The following IL34 variants were observed in gnomAD, a reference collection of about 807,000 sequenced individuals.
IL34 encodes interleukin-34.
A neutral mutation model predicts 25.3 loss-of-function variants in IL34; 17 were observed. The observed-to-expected ratio is 0.67, with a 90% confidence interval of 0.46 to 1.01. The LOEUF (loss-of-function observed/expected upper bound fraction) is 1.01. Ranked by LOEUF, IL34 falls within the 50% of genes least tolerant of loss-of-function variation. The probability of loss-of-function intolerance (pLI) is 0.00; values close to 1 mark genes in which losing one functional copy is unlikely to be tolerated. For missense variants in IL34, 368 were observed against 312.9 expected (o/e 1.18, Z -1.33); for synonymous variants, 174 against 140.9 (o/e 1.23, Z -1.66).
At position 70,621,197 on chromosome 16, in the gene IL34, G is replaced by A. The variant is rs145183103; in HGVS notation, c.-400-25351G>A. ...CGCTAAGGTTGAAGGACCAAGGCAG[G>A]CGTCCCTGCATGGTCTGACACCCTT... is the stretch of plus-strand genomic sequence containing the variant. On this transcript the variant is annotated intron_variant, in intron 1 of 6. Transcript: ENST00000429149. Among the ~76,000 whole-genome samples, 638 of 152,236 alleles carry A rather than the reference G, an allele frequency of 4.2e-3. 5 individuals are homozygous for A. The highest frequency in any genetic ancestry group is 0.024 in the Middle Eastern group (7 of 294).
At chr16:70,604,630 G>A (rs946752127) in intron 1 of IL34, among the ~76,000 whole-genome samples, 8 of 152,188 alleles carry the variant, frequency 5.3e-5, no homozygotes, top group Non-Finnish European at 1.2e-4. Flanking sequence ...GTCAAAAGAG[G>A]GACTGGTTCA....
intron 1 of IL34, among the ~76,000 whole-genome samples, chr16:70,638,598 A>G (rs1229688697): frequency 1.3e-5 from 2 of 151,488 alleles, no homozygotes; most frequent in Non-Finnish European, 2.9e-5. Context: ...GATATTTTAT[A>G]CTTATTTATT....
chr16:70,613,688 G>A (rs765919976), intron 1 of IL34, among the ~76,000 whole-genome samples: 42 of 151,962 alleles, frequency 2.8e-4, no homozygotes, highest in East Asian at 7.8e-4. Flanking sequence ...AGCCTGGCCA[G>A]CACAGTGAAA....
intron 1 of IL34, among the ~76,000 whole-genome samples, chr16:70,630,334 C>A (rs1320493832): frequency 1.3e-5 from 2 of 152,118 alleles, no homozygotes; most frequent in African/African-American, 4.8e-5. Flanking sequence ...GCCTCCCCAG[C>A]GATTCTCCTG....
In IL34 at chr16:70,656,508, GACTA is replaced by G. The variant is rs925192053; in HGVS notation, c.163-90_163-87del. On this transcript the variant is annotated intron_variant, in intron 2 of 5. Coordinates refer to ENST00000288098, the MANE Select transcript of IL34 (RefSeq NM_001393494.1). ...CACTCCATACTGGGTGACAGAGTGA[GACTA>G]ACTGTTAAAAAAAACATCATTTGGG... 20 of 811,430 alleles carry G rather than the reference GACTA, an allele frequency of 2.5e-5. No homozygotes were observed. In the African/African-American group the frequency reaches 3.0e-4, roughly 12 times the overall value. 50.3% of individuals were successfully genotyped at this position (811,430 alleles called of 1,614,324 possible).
At chr16:70,610,303 A>C (rs2051072116) in intron 1 of IL34, among the ~76,000 whole-genome samples, 1 of 151,860 alleles carries the variant, frequency 6.6e-6, no homozygotes, top group African/African-American at 2.4e-5. Context: ...CTCTTGGTGG[A>C]TTCTCTCCTT....
At chr16:70,599,304 C>CTT (rs372428379) in intron 1 of IL34, among the ~76,000 whole-genome samples, 11 of 126,040 alleles carry the variant, frequency 8.7e-5, no homozygotes, top group African/African-American at 3.4e-4. Context: ...TTCTTTCTTT[C>CTT]CTTCTTTCTT....
intron 1 of IL34, among the ~76,000 whole-genome samples, chr16:70,623,757 G>A (rs11644532): frequency 0.049 from 7,369 of 151,514 alleles, 291 homozygotes; most frequent in Non-Finnish European, 0.065. Flanking sequence ...TAGTTAAAGT[G>A]TCTCGGCCTA....
At chr16:70,636,744 G>T (rs1365151919) in intron 1 of IL34, among the ~76,000 whole-genome samples, 3 of 151,566 alleles carry the variant, frequency 2.0e-5, no homozygotes, top group Non-Finnish European at 4.4e-5. Context: ...CTCCAGCCTT[G>T]GCAACAGAGA....
intron 1 of IL34, among the ~76,000 whole-genome samples, chr16:70,621,943 A>AG (rs900238358): frequency 4.6e-5 from 7 of 151,798 alleles, no homozygotes; most frequent in Non-Finnish European, 7.4e-5. Context: ...TCATCAGTTA[A>AG]GGGGGGGCAG....
chr16:70,598,222 C>A (rs2050853713), intron 1 of IL34, among the ~76,000 whole-genome samples: 2 of 152,118 alleles, frequency 1.3e-5, no homozygotes, highest in Non-Finnish European at 2.9e-5. Flanking sequence ...CCCAGAACTT[C>A]CTGCCAGGCC....
chr16:70,589,195 A>G (rs1321610605), intron 1 of IL34, among the ~76,000 whole-genome samples: 2 of 152,154 alleles, frequency 1.3e-5, no homozygotes, highest in Admixed American at 6.5e-5. Context: ...AGACTCTGTC[A>G]CACACACAAA....
At chr16:70,649,409 C>T (rs1049547648) in intron 1 of IL34, among the ~76,000 whole-genome samples, 7 of 152,164 alleles carry the variant, frequency 4.6e-5, no homozygotes, top group South Asian at 2.1e-4. Context: ...AACTCCCAGG[C>T]GTTGCCATGG....
intron 1 of IL34, among the ~76,000 whole-genome samples, chr16:70,634,159 C>G (rs111900891): frequency 1.3e-3 from 199 of 152,102 alleles, no homozygotes; most frequent in Middle Eastern, 0.01. Flanking sequence ...CAATCTCTCT[C>G]TTCTTATCAG....
chr16:70,612,724 T>C (rs2051108952), intron 1 of IL34, among the ~76,000 whole-genome samples: 1 of 151,600 alleles, frequency 6.6e-6, no homozygotes, highest in South Asian at 2.1e-4. Flanking sequence ...TCAGGAGGGA[T>C]TCCTCAGCTT....
At chr16:70,592,843 C>T (rs1013275820) in intron 1 of IL34, among the ~76,000 whole-genome samples, 34 of 152,028 alleles carry the variant, frequency 2.2e-4, no homozygotes, top group African/African-American at 7.7e-4. Context: ...TTAGTAGAGA[C>T]GGGGTTTCAG....
intron 1 of IL34, among the ~76,000 whole-genome samples, chr16:70,649,139 C>T (rs560935365): frequency 6.6e-6 from 1 of 152,316 alleles, no homozygotes; most frequent in Non-Finnish European, 1.5e-5. Context: ...GGGTTCTTGG[C>T]TTTCCCTAGG....
chr16:70,615,021 A>G (rs569769497), intron 1 of IL34, among the ~76,000 whole-genome samples: 1 of 152,340 alleles, frequency 6.6e-6, no homozygotes, highest in South Asian at 2.1e-4. Flanking sequence ...CTCACCGGGT[A>G]ACTGTTTATA....
At chr16:70,633,890 G>A (rs201824532) in intron 1 of IL34, among the ~76,000 whole-genome samples, 5 of 151,348 alleles carry the variant, frequency 3.3e-5, no homozygotes, top group Admixed American at 6.6e-5. Flanking sequence ...TCGCATTGTC[G>A]CCCAGGCTGG....
Sources: gnomAD v4.1 joint callset for allele counts (sites outside exome capture counted in the v4.1 genomes callset) on GRCh38, gnomAD v4.1.1 for gene constraint, MANE v1.5 for transcripts, NCBI Gene and HGNC (gene_info 2026-07-23, HGNC 2026-07-21) for gene names.